Variants in TAFA5 observed in about 807,000 individuals in gnomAD.
TAFA5 encodes the protein chemokine-like protein TAFA-5.
In TAFA5, 6 loss-of-function variants were observed where a neutral mutation model predicts 15.3. That is an observed-to-expected ratio of 0.39 (90% CI 0.21 to 0.77). TAFA5 has a LOEUF of 0.77. Among genes scored for constraint, TAFA5 ranks in the 30% least tolerant of loss-of-function variants. TAFA5 has a pLI of 0.41. For missense variants in TAFA5, 161 were observed against 193.1 expected (o/e 0.83, Z 0.98); for synonymous variants, 103 against 80.7 (o/e 1.28, Z -1.48).
intron 1 of TAFA5, among the ~76,000 whole-genome samples, chr22:48,642,727 T>C (rs1417774067): frequency 6.6e-6 from 1 of 152,072 alleles, no homozygotes; most frequent in African/African-American, 2.4e-5. Flanking sequence ...TGCTGACCCA[T>C]GTGTGTGGGT....
intron 2 of TAFA5, among the ~76,000 whole-genome samples, chr22:48,681,517 G>T (rs1039373097): frequency 6.6e-6 from 1 of 151,516 alleles, no homozygotes; most frequent in African/African-American, 2.4e-5. Context: ...TAGGCGTGGG[G>T]GTAGGTGCCT....
intron 2 of TAFA5, among the ~76,000 whole-genome samples, chr22:48,702,620 G>A (rs1217181731): frequency 1.3e-5 from 2 of 152,160 alleles, no homozygotes; most frequent in South Asian, 2.1e-4. Flanking sequence ...GGGTAATGAC[G>A]TTTGTCTGCC....
rs532517998 is a variant in TAFA5 at position 48,552,550 on chromosome 22, C to T, written c.112+62846C>T. ...AGGACATGGAGACTTCACAGCCCGG[C>T]GGAACCCACGCCCATGCCCAGCTCT... On this transcript the variant is annotated intron_variant, in intron 1 of 3. Coordinates refer to ENST00000402357, the MANE Select transcript of TAFA5 (RefSeq NM_001082967.3). This position sits in a 1 kb window ranked among gnomAD's most constrained non-coding sequence, Gnocchi z 4.1. Among the ~76,000 whole-genome samples, 7 of 152,246 alleles carry T rather than the reference C, an allele frequency of 4.6e-5. No individual in the cohort carries two copies. Among genetic ancestry groups the T allele is most frequent in the Admixed American group, 1.3e-4 (2 of 15,302 alleles).
intron 3 of TAFA5, among the ~76,000 whole-genome samples, chr22:48,722,740 C>G (rs1468854029): frequency 6.6e-6 from 1 of 152,180 alleles, no homozygotes; most frequent in Non-Finnish European, 1.5e-5. Context: ...GATCAACATG[C>G]AAGGTGGGTG....
rs1924863082 is a variant in TAFA5 at position 48,598,865 on chromosome 22, AAGTC to A, written c.113-47729_113-47726del. Among the ~76,000 whole-genome samples the A allele has an allele frequency of 6.6e-6, 1 of 152,016 alleles. No homozygotes were observed. The highest frequency in any genetic ancestry group is 1.5e-5 in the Non-Finnish European group (1 of 67,998). ...CCTGTATTTCCGACTGACTGAATAT[AAGTC>A]AGGGGGTTTCCACCACCCTCTCCTG... On this transcript the variant is annotated intron_variant, in intron 1 of 3. Coordinates refer to ENST00000402357, the MANE Select transcript of TAFA5 (RefSeq NM_001082967.3). The surrounding 1 kb of genome is among the most constrained non-coding windows in gnomAD (Gnocchi z 4.0).
intron 1 of TAFA5, among the ~76,000 whole-genome samples, chr22:48,512,793 A>G (rs1921264792): frequency 6.7e-6 from 1 of 149,686 alleles, no homozygotes; most frequent in African/African-American, 2.5e-5. Flanking sequence ...GGTGGTGGCG[A>G]GCGCCTTTAG....
At chr22:48,543,862 C>T (rs553647673) in intron 1 of TAFA5, 1 of 152,458 alleles carries the variant, frequency 6.6e-6, no homozygotes, top group South Asian at 2.1e-4. Context: ...TCCATTTGAC[C>T]CTCATTCTCC....
At chr22:48,583,068 C>T (rs761004823) in intron 1 of TAFA5, among the ~76,000 whole-genome samples, 39 of 150,058 alleles carry the variant, frequency 2.6e-4, no homozygotes, top group Non-Finnish European at 4.7e-4. Flanking sequence ...GTACACCACA[C>T]ACAAAATACA....
At chr22:48,541,425 G>T (rs181538927) in intron 1 of TAFA5, among the ~76,000 whole-genome samples, 1 of 152,258 alleles carries the variant, frequency 6.6e-6, no homozygotes, top group East Asian at 1.9e-4. Flanking sequence ...TGGAGGGCCC[G>T]TAGGACCCAG....
intron 2 of TAFA5, among the ~76,000 whole-genome samples, chr22:48,671,333 C>G (rs1233592469): frequency 6.6e-6 from 1 of 152,222 alleles, no homozygotes; most frequent in Non-Finnish European, 1.5e-5. Flanking sequence ...CCCACCAGCC[C>G]TTTCACCTGT....
At chr22:48,712,662 C>A (rs563401327) in intron 3 of TAFA5, among the ~76,000 whole-genome samples, 1 of 152,328 alleles carries the variant, frequency 6.6e-6, no homozygotes, top group South Asian at 2.1e-4. Flanking sequence ...ACCTTGTGGA[C>A]GTCCACCTGC....
intron 1 of TAFA5, among the ~76,000 whole-genome samples, chr22:48,631,388 A>G (rs1245754117): frequency 2.6e-5 from 4 of 152,212 alleles, no homozygotes; most frequent in African/African-American, 9.6e-5. Context: ...GGACTGACGT[A>G]GACAGGCCTC....
chr22:48,562,405 T>C (rs1199206278), intron 1 of TAFA5, among the ~76,000 whole-genome samples: 2 of 152,212 alleles, frequency 1.3e-5, no homozygotes, highest in African/African-American at 4.8e-5. Context: ...CCCAAAGTGC[T>C]GGGATTACAG....
intron 3 of TAFA5, among the ~76,000 whole-genome samples, chr22:48,729,402 ATATATT>A (rs200873285): frequency 0.31 from 44,140 of 144,690 alleles, 7,977 homozygotes; most frequent in Non-Finnish European, 0.41. Flanking sequence ...ATAGTCATAA[ATATATT>A]TATATTATAA....
chr22:48,690,019 C>T (rs1928487637), intron 2 of TAFA5, among the ~76,000 whole-genome samples: 1 of 148,760 alleles, frequency 6.7e-6, no homozygotes, highest in African/African-American at 2.5e-5. Context: ...TCACAGGTGG[C>T]CTCACAGCAC....
At chr22:48,637,312 G>GCATGTGCACA (rs71934418) in intron 1 of TAFA5, among the ~76,000 whole-genome samples, 6 of 151,976 alleles carry the variant, frequency 3.9e-5, no homozygotes, top group Non-Finnish European at 7.4e-5. Context: ...GCTCATGGTG[G>GCATGTGCACA]CATGTGCACA....
At chr22:48,554,153 G>A (rs1601575366) in intron 1 of TAFA5, among the ~76,000 whole-genome samples, 1 of 152,224 alleles carries the variant, frequency 6.6e-6, no homozygotes, top group Admixed American at 6.5e-5. Context: ...GGAGGAAGAG[G>A]CTGGAGACTT....
chr22:48,747,943 G>T (rs551024963), intron 3 of TAFA5, among the ~76,000 whole-genome samples: 16 of 151,722 alleles, frequency 1.1e-4, no homozygotes, highest in Admixed American at 9.8e-4. Context: ...CATACAGCAG[G>T]CTCCTCCTGA....
At chr22:48,496,058 T>C (rs1928313037) in intron 1 of TAFA5, among the ~76,000 whole-genome samples, 1 of 152,214 alleles carries the variant, frequency 6.6e-6, no homozygotes, top group African/African-American at 2.4e-5. Flanking sequence ...CTAAATGCAG[T>C]GGATGCAGGA....
Sources: allele counts gnomAD v4.1 joint callset (sites outside exome capture counted in the v4.1 genomes callset), GRCh38; gene constraint gnomAD v4.1.1; non-coding constraint Gnocchi (gnomAD v3.1); transcripts MANE v1.5; gene names NCBI Gene and HGNC (gene_info 2026-07-23, HGNC 2026-07-21).